FGF14: variants seen among roughly 807,000 people sequenced by gnomAD.
FGF14 encodes the protein fibroblast growth factor 14.
FGF14 carries 5 observed loss-of-function variants against 25.5 expected under a neutral mutation model. The ratio of observed to expected loss-of-function variants is 0.20; its 90% CI spans 0.10 to 0.41. FGF14 has a LOEUF of 0.41. Ranked by LOEUF, FGF14 falls within the 10% of genes least tolerant of loss-of-function variation. FGF14 has a pLI of 1.00. For synonymous variants in FGF14, 138 were observed against 118.3 expected (o/e 1.17, Z -1.08); for missense variants, 222 against 320.1 (o/e 0.69, Z 2.34).
intron 3 of FGF14, among the ~76,000 whole-genome samples, chr13:101,810,255 C>A (rs1025335472): frequency 7.2e-5 from 11 of 152,206 alleles, no homozygotes; most frequent in African/African-American, 2.2e-4. Flanking sequence ...ACTCACTCAG[C>A]ATTCTGGTTT....
chr13:101,726,507 T>C, intron 4 of FGF14, 105 bp downstream of exon 4: 1 of 1,082,402 alleles, frequency 9.2e-7, no homozygotes, highest in East Asian at 2.5e-5. Context: ...TAAATGACAT[T>C]TCCAGCACTT....
At chr13:102,117,109 C>T (rs890460012) in intron 1 of FGF14, among the ~76,000 whole-genome samples, 4 of 152,294 alleles carry the variant, frequency 2.6e-5, no homozygotes, top group East Asian at 1.9e-4. Flanking sequence ...TCAGCTGTTC[C>T]GAGCTTCTTG....
At chr13:101,977,401 T>C (rs966463460) in intron 1 of FGF14, among the ~76,000 whole-genome samples, 4 of 152,204 alleles carry the variant, frequency 2.6e-5, no homozygotes, top group South Asian at 4.1e-4. Context: ...GCTATGAAGA[T>C]TGGCAGATTG....
In FGF14 at chr13:102,159,151, A is replaced by G. The variant is rs528787538; in HGVS notation, c.208+242320T>C. 1.9e-3 allele frequency among the ~76,000 whole-genome samples: 284 copies of G among 147,208 alleles called. 1 individual carries two copies. The highest frequency in any genetic ancestry group is 7.0e-3 in the African/African-American group (261 of 37,334). ...CCAGACTCTGTCTCAAAAAAAAAAA[A>G]AAAAAAGAAAAGAAAAGAAAATTCA... On this transcript the variant is annotated intron_variant, in intron 1 of 4. Coordinates refer to the FGF14 transcript ENST00000376131.
chr13:102,353,294 T>A (rs901865951), intron 1 of FGF14, among the ~76,000 whole-genome samples: 1 of 152,184 alleles, frequency 6.6e-6, no homozygotes, highest in African/African-American at 2.4e-5. Context: ...ATCCAAGTCT[T>A]CACTGTTGGT....
intron 1 of FGF14, among the ~76,000 whole-genome samples, chr13:102,157,762 A>C (rs2047416206): frequency 6.6e-6 from 1 of 152,234 alleles, no homozygotes; most frequent in South Asian, 2.1e-4. Context: ...AAGTTTTTGC[A>C]ATCTACTCAT....
chr13:102,078,488 A>C (rs930746604), intron 1 of FGF14, among the ~76,000 whole-genome samples: 3 of 152,194 alleles, frequency 2.0e-5, no homozygotes, highest in Middle Eastern at 3.2e-3. Flanking sequence ...GTAAAAGACT[A>C]AAAAGTGTGA....
chr13:102,256,355 C>G (rs1428384261), intron 1 of FGF14, among the ~76,000 whole-genome samples: 1 of 151,896 alleles, frequency 6.6e-6, no homozygotes, highest in Non-Finnish European at 1.5e-5. Context: ...AAAAATTAGC[C>G]AAGCATGGTG....
chr13:101,897,582 T>G (rs1452009101), intron 1 of FGF14, among the ~76,000 whole-genome samples: 1 of 152,166 alleles, frequency 6.6e-6, no homozygotes, highest in Non-Finnish European at 1.5e-5. Context: ...AAGAGCTAAG[T>G]CATAATTAGA....
At chr13:102,244,797 C>A (rs966234218) in intron 1 of FGF14, among the ~76,000 whole-genome samples, 1 of 151,910 alleles carries the variant, frequency 6.6e-6, no homozygotes, top group Non-Finnish European at 1.5e-5. Context: ...ATGTGGATGG[C>A]CTCTTGTATC....
At chr13:102,088,194 T>C (rs1395676940) in intron 1 of FGF14, among the ~76,000 whole-genome samples, 1 of 152,204 alleles carries the variant, frequency 6.6e-6, no homozygotes, top group Non-Finnish European at 1.5e-5. Context: ...AATTGAGACA[T>C]AGGTACTCAA....
In FGF14 at chr13:101,989,779, C is replaced by T. The variant is rs375916540; in HGVS notation, c.209-114483G>A. On this transcript the variant is annotated intron_variant, in intron 1 of 4. Coordinates refer to the FGF14 transcript ENST00000376131. ...TTTCTCCACAATAACATTTATGGGGCTTTAACTAGGTTCTCTAGTACAGGA... is the reference window on the plus strand; with the variant it reads ...TTTCTCCACAATAACATTTATGGGGTTTTAACTAGGTTCTCTAGTACAGGA... Among the ~76,000 whole-genome samples, 7 of 152,182 alleles carry T rather than the reference C, an allele frequency of 4.6e-5. No individual in the cohort carries two copies. The East Asian group carries it at 5.8e-4, about 13-fold the overall frequency.
intron 1 of FGF14, among the ~76,000 whole-genome samples, chr13:102,217,249 T>C (rs2050413564): frequency 6.6e-6 from 1 of 152,220 alleles, no homozygotes; most frequent in Admixed American, 6.5e-5. Flanking sequence ...AAACTTGATA[T>C]TCTCTAAAGA....
intron 2 of FGF14, among the ~76,000 whole-genome samples, chr13:101,874,376 TTAAG>T (rs1305396479): frequency 1.3e-5 from 2 of 152,120 alleles, no homozygotes; most frequent in South Asian, 2.1e-4. Context: ...TTTCTTATGA[TTAAG>T]TATTTCTAAT....
chr13:101,788,923 G>T (rs1415788107), intron 3 of FGF14, among the ~76,000 whole-genome samples: 160 of 27,210 alleles, frequency 5.9e-3, no homozygotes, highest in East Asian at 0.014. Flanking sequence ...GAGAGAGAGA[G>T]AGAGAGAGAG....
intron 1 of FGF14, among the ~76,000 whole-genome samples, chr13:102,041,976 A>C (rs942789871): frequency 6.6e-6 from 1 of 152,168 alleles, no homozygotes; most frequent in African/African-American, 2.4e-5. Context: ...CAGCCAGCCA[A>C]AGTTCACTTA....
At position 102,400,701 on chromosome 13, in the gene FGF14, G is replaced by A. The variant is rs1300841271; in HGVS notation, c.208+770C>T. On this transcript the variant is annotated intron_variant, in intron 1 of 4. Transcript: ENST00000376131. The surrounding 1 kb of genome is among the most constrained non-coding windows in gnomAD (Gnocchi z 4.3). The stretch of plus-strand genomic sequence containing the variant: ...ATGATCACCAGTAGGCTTAAAAGCA[G>A]GAACTCACGGCCTGGCTCATCCCCA... 6.6e-6 allele frequency among the ~76,000 whole-genome samples: 1 copy of A among 152,236 alleles called. No individual in the cohort carries two copies. The highest frequency in any genetic ancestry group is 1.5e-5 in the Non-Finnish European group (1 of 68,046).
At chr13:101,984,996 GT>G (rs1469306479) in intron 1 of FGF14, among the ~76,000 whole-genome samples, 1 of 151,390 alleles carries the variant, frequency 6.6e-6, no homozygotes, top group African/African-American at 2.4e-5. Flanking sequence ...CACCTAAAAT[GT>G]GAAAAAATAG....
intron 1 of FGF14, among the ~76,000 whole-genome samples, chr13:101,884,860 CACAT>C (rs67414504): frequency 0.011 from 1,596 of 150,126 alleles, 24 homozygotes; most frequent in South Asian, 0.033. Flanking sequence ...CACACACAGA[CACAT>C]ACATACACAC....
Sources: gnomAD v4.1 joint callset for allele counts (sites outside exome capture counted in the v4.1 genomes callset) on GRCh38, gnomAD v4.1.1 for gene constraint, Gnocchi (gnomAD v3.1) non-coding constraint, MANE v1.5 for transcripts, NCBI Gene and HGNC (gene_info 2026-07-23, HGNC 2026-07-21) for gene names.